RABEP1: variants seen among roughly 807,000 people sequenced by gnomAD.
The protein encoded by RABEP1 is rab GTPase-binding effector protein 1.
Under a neutral mutation model 123.4 loss-of-function variants are expected in RABEP1, and 51 were observed. That is an observed-to-expected ratio of 0.41 (90% CI 0.33 to 0.52). The LOEUF (loss-of-function observed/expected upper bound fraction) is 0.52. Among genes scored for constraint, RABEP1 ranks in the 20% least tolerant of loss-of-function variants. The pLI is 0.16. For synonymous variants in RABEP1, 347 were observed against 355.2 expected (o/e 0.98, Z 0.26); for missense variants, 888 against 996.3 (o/e 0.89, Z 1.46).
At chr17:5,352,558 C>T (rs146921659) in intron 7 of RABEP1, among the ~76,000 whole-genome samples, 517 of 150,452 alleles carry the variant, frequency 3.4e-3, no homozygotes, top group Middle Eastern at 0.01. Flanking sequence ...TGGCCGGGCG[C>T]GGATGGTCAC....
chr17:5,299,719 C>CTTTTTTTT lies in RABEP1; in HGVS notation c.35-8970_35-8969insTTTTTTTT, dbSNP rs146585957. On this transcript the variant is annotated intron_variant, in intron 1 of 17. Coordinates refer to ENST00000537505, the MANE Select transcript of RABEP1 (RefSeq NM_004703.6). Reference sequence around the variant, plus strand: ...TCATTTCTTTTTCTTTTTTTCTTTTCTTTTTCTTTTTCTTTTTTTTTTTTT... The same window carrying CTTTTTTTT: ...TCATTTCTTTTTCTTTTTTTCTTTTCTTTTTTTTTTTTTCTTTTTCTTTTTTTTTTTTT... Among the ~76,000 whole-genome samples, 439 of 98,726 alleles carry CTTTTTTTT rather than the reference C, an allele frequency of 4.4e-3. 47 individuals carry two copies. The highest frequency in any genetic ancestry group is 6.5e-3 in the Middle Eastern group (1 of 154). 64.8% of individuals were successfully genotyped at this position (98,726 alleles called of 152,430 possible).
intron 17 of RABEP1, among the ~76,000 whole-genome samples, chr17:5,382,887 TCTGGCCTGGG>T (rs1555527014): frequency 6.6e-6 from 1 of 151,902 alleles, no homozygotes; most frequent in Non-Finnish European, 1.5e-5. Flanking sequence ...ACCATTGCAC[TCTGGCCTGGG>T]CTGGCCTGGA....
At chr17:5,358,647 A>G (rs1358878825) in intron 8 of RABEP1, among the ~76,000 whole-genome samples, 1 of 150,996 alleles carries the variant, frequency 6.6e-6, no homozygotes, top group African/African-American at 2.4e-5. Flanking sequence ...CTCCAGCCTG[A>G]GTGACAGAGC....
rs1039192602 is a variant in RABEP1, at chr17:5,384,080, T to A, written c.*857T>A. The A allele has an allele frequency of 4.6e-6, 1 of 215,338 alleles. No homozygotes were observed. The highest frequency in any genetic ancestry group is 9.4e-6 in the Non-Finnish European group (1 of 106,808). 13.3% of individuals were successfully genotyped at this position (215,338 alleles called of 1,614,324 possible). A position where few individuals can be genotyped will look rare whatever the true frequency, so the allele number is the denominator to read the frequency against. ...CATTAGTATACGTTTTTAAATAGGC[T>A]AATTTTTCAACTTGGATCATTAGGC... On this transcript the variant is annotated 3_prime_UTR_variant, in exon 18 of 18. Transcript: ENST00000537505.
intron 8 of RABEP1, among the ~76,000 whole-genome samples, chr17:5,360,559 C>T (rs1010023641): frequency 3.3e-5 from 5 of 152,220 alleles, no homozygotes; most frequent in African/African-American, 1.2e-4. Flanking sequence ...GAGACTCCGT[C>T]TCAGAAAAAA....
intron 2 of RABEP1, among the ~76,000 whole-genome samples, chr17:5,328,097 AT>A (rs556420504): frequency 2.1e-3 from 318 of 152,348 alleles, no homozygotes; most frequent in Non-Finnish European, 3.6e-3. Context: ...GCAAAAGAAC[AT>A]TAAGGTTTCA....
intron 1 of RABEP1, among the ~76,000 whole-genome samples, chr17:5,295,919 T>C (rs1481615648): frequency 6.6e-6 from 1 of 152,368 alleles, no homozygotes; most frequent in East Asian, 1.9e-4. Flanking sequence ...TCTACTGTTT[T>C]CTTAGTTACA....
At chr17:5,370,089 C>T (rs1910406128) in intron 12 of RABEP1, among the ~76,000 whole-genome samples, 1 of 152,306 alleles carries the variant, frequency 6.6e-6, no homozygotes, top group Admixed American at 6.5e-5. Flanking sequence ...CACTGGAGAA[C>T]TGTTGAAATT....
At chr17:5,303,077 G>A (rs1489643908) in intron 1 of RABEP1, among the ~76,000 whole-genome samples, 2 of 151,874 alleles carry the variant, frequency 1.3e-5, no homozygotes, top group Non-Finnish European at 2.9e-5. Flanking sequence ...ATGCCATTTT[G>A]GATATTCATT....
chr17:5,323,084 AAAC>A (rs1054806229), intron 2 of RABEP1, among the ~76,000 whole-genome samples: 4 of 152,072 alleles, frequency 2.6e-5, no homozygotes, highest in African/African-American at 2.4e-5. Flanking sequence ...CAAAAAAAAC[AAAC>A]AACAACAACA....
At chr17:5,300,667 G>A (rs966094292) in intron 1 of RABEP1, among the ~76,000 whole-genome samples, 2 of 152,156 alleles carry the variant, frequency 1.3e-5, no homozygotes, top group African/African-American at 2.4e-5. Context: ...TTAATTCCTT[G>A]TAGATGTTTG....
At chr17:5,343,211 C>T (rs772386954) in intron 5 of RABEP1, among the ~76,000 whole-genome samples, 2 of 152,100 alleles carry the variant, frequency 1.3e-5, no homozygotes, top group Non-Finnish European at 2.9e-5. Context: ...AAGATCGCAC[C>T]ATTGCACTCC....
intron 1 of RABEP1, among the ~76,000 whole-genome samples, chr17:5,306,389 AGGCCGAGGTGGGT>A (rs1479186672): frequency 6.6e-6 from 1 of 152,170 alleles, no homozygotes. Flanking sequence ...GCACTTTGGG[AGGCCGAGGTGGGT>A]GGATCACCTG....
At chr17:5,379,153 TCA>T (rs1320390415) in intron 15 of RABEP1, among the ~76,000 whole-genome samples, 1 of 152,124 alleles carries the variant, frequency 6.6e-6, no homozygotes, top group Non-Finnish European at 1.5e-5. Context: ...CTCAGCCCCC[TCA>T]CTCTCAGCAG....
In RABEP1 at chr17:5,308,556, C is replaced by G. The variant is rs1048913655; in HGVS notation, c.35-138C>G. The G allele has an allele frequency of 6.3e-6, 5 of 795,114 alleles. No homozygotes were observed. In the African/African-American group the frequency reaches 7.1e-5, roughly 11 times the overall value. The allele number at this position is 795,114 out of a possible 1,614,324, so 49.3% of individuals were successfully genotyped here. A position where few individuals can be genotyped will look rare whatever the true frequency, so the allele number is the denominator to read the frequency against. On this transcript the variant is annotated intron_variant, in intron 1 of 17. Transcript: ENST00000537505. ...TACTTTTTTTAAACATTAGAATATC[C>G]TAGCATATGGTGGATTTTTGGAAGA... is the stretch of plus-strand genomic sequence containing the variant.
Position 5,367,721 on chromosome 17 carries a change from C to G in RABEP1, c.1786-649C>G, listed in dbSNP as rs567002792. Among the ~76,000 whole-genome samples the G allele has an allele frequency of 6.4e-4, 97 of 150,618 alleles. 1 individual carries two copies. The highest frequency in any genetic ancestry group is 2.3e-3 in the African/African-American group (94 of 41,258). On this transcript the variant is annotated intron_variant, in intron 11 of 17. Transcript: ENST00000537505. The stretch of plus-strand genomic sequence containing the variant: ...GTTTGCCTTTTTTTTGTGCTAAATT[C>G]TGCACTGTGATTTATGTGAAATAAA...
chr17:5,347,791 C>G (rs980452606), intron 6 of RABEP1, among the ~76,000 whole-genome samples: 10 of 152,148 alleles, frequency 6.6e-5, no homozygotes, highest in African/African-American at 2.4e-4. Flanking sequence ...TAAAAAGACA[C>G]TCATATTCTT....
chr17:5,323,371 G>C (rs1905580620), intron 2 of RABEP1, among the ~76,000 whole-genome samples: 1 of 152,068 alleles, frequency 6.6e-6, no homozygotes, highest in Non-Finnish European at 1.5e-5. Flanking sequence ...TTAGGCAAGA[G>C]AAATAAAGGG....
chr17:5,318,370 A>G (rs893949060), intron 2 of RABEP1, among the ~76,000 whole-genome samples: 4 of 152,194 alleles, frequency 2.6e-5, no homozygotes, highest in African/African-American at 9.7e-5. Flanking sequence ...GAAAAGTAGT[A>G]TGTGAATTAT....
Sources: allele counts gnomAD v4.1 joint callset (sites outside exome capture counted in the v4.1 genomes callset), GRCh38; gene constraint gnomAD v4.1.1; transcripts MANE v1.5; gene names NCBI Gene and HGNC (gene_info 2026-07-23, HGNC 2026-07-21).